The following TBC1D9 variants were observed in gnomAD, a reference collection of about 807,000 sequenced individuals.
TBC1D9 encodes TBC1 domain family member 9, also known as TBC1 domain family member 9A.
TBC1D9 carries 63 observed loss-of-function variants against 132.0 expected under a neutral mutation model. That is an observed-to-expected ratio of 0.48 (90% CI 0.39 to 0.59). The LOEUF is 0.59. Ranked by LOEUF, TBC1D9 falls within the 20% of genes least tolerant of loss-of-function variation. The probability of loss-of-function intolerance (pLI) is 0.00; values close to 1 mark genes in which losing one functional copy is unlikely to be tolerated. For synonymous variants in TBC1D9, 610 were observed against 609.9 expected, an observed-to-expected ratio of 1.00 and a Z score of 0.00; for missense variants, 1,261 against 1,592.7, an observed-to-expected ratio of 0.79 and a Z score of 3.54.
intron 13 of TBC1D9, chr4:140,642,572 A>G: frequency 1.0e-6 from 1 of 987,090 alleles, no homozygotes; most frequent in Non-Finnish European, 1.6e-6. Flanking sequence ...CTTGCTTGCC[A>G]ACTGCTCCTG....
At chr4:140,625,974 T>C (rs970405101) in intron 18 of TBC1D9, among the ~76,000 whole-genome samples, 2 of 152,218 alleles carry the variant, frequency 1.3e-5, no homozygotes, top group African/African-American at 4.8e-5. Flanking sequence ...ATAGCATCTT[T>C]GGCACTGGAA....
Position 140,661,946 on chromosome 4 carries a change from T to C in TBC1D9, c.1750A>G (p.Arg584Gly). The C allele has an allele frequency of 1.2e-6, 2 of 1,614,004 alleles. No individual in the cohort carries two copies. The highest frequency in any genetic ancestry group is 1.7e-6 in the Non-Finnish European group (2 of 1,179,882). ...AAAGCATAAGCTGTTAAGACTCTCC[T>C]TAGTGCAGCAATGCCCATTTCATTC... is the stretch of plus-strand genomic sequence containing the variant. ...FQNEMGIAAL[R>G]RVLTAYAFRN... Residue 584 changes from arginine (R) to glycine (G), a missense_variant, in exon 10 of 21, where the codon AGG (arginine) becomes GGG (glycine). By Grantham distance (125) the Arg-to-Gly change is moderately radical. Transcript: ENST00000442267.
intron 16 of TBC1D9, among the ~76,000 whole-genome samples, chr4:140,633,082 T>C (rs754311038): frequency 2.0e-5 from 3 of 152,210 alleles, no homozygotes; most frequent in Non-Finnish European, 4.4e-5. Flanking sequence ...CTGGCCTTTA[T>C]GTCTTCTAGA....
chr4:140,728,648 C>A (rs1033510699), intron 1 of TBC1D9, among the ~76,000 whole-genome samples: 1 of 151,692 alleles, frequency 6.6e-6, no homozygotes, highest in African/African-American at 2.4e-5. Flanking sequence ...ATTACAGGTA[C>A]GTGCCACCAC....
At position 140,672,108 on chromosome 4, in the gene TBC1D9, G is replaced by A. The variant is rs999324478; in HGVS notation, c.1060-1182C>T. On this transcript the variant is annotated intron_variant, in intron 6 of 20. Transcript: ENST00000442267. ...TATCTAAAAAAATAGGTCTGCCTGG[G>A]GTCCATCAAGGGAAAAAGTGTAGCA... Among the ~76,000 whole-genome samples, 7 of 151,846 alleles carry A rather than the reference G, an allele frequency of 4.6e-5. No individual in the cohort carries two copies. The South Asian group carries it at 1.0e-3, about 23-fold the overall frequency.
At chr4:140,739,043 G>A (rs530788229) in intron 1 of TBC1D9, among the ~76,000 whole-genome samples, 8 of 152,096 alleles carry the variant, frequency 5.3e-5, no homozygotes, top group East Asian at 1.9e-4. Flanking sequence ...ATGGAGTTTC[G>A]CTCTTGCTGC....
intron 11 of TBC1D9, among the ~76,000 whole-genome samples, chr4:140,658,503 C>T (rs9631766): frequency 0.58 from 87,556 of 151,922 alleles, 25,424 homozygotes; most frequent in East Asian, 0.65. Flanking sequence ...TCCAAATGTA[C>T]ATTTAAGCAG....
At chr4:140,692,817 C>T (rs968542276) in intron 2 of TBC1D9, among the ~76,000 whole-genome samples, 1 of 151,990 alleles carries the variant, frequency 6.6e-6, no homozygotes, top group Non-Finnish European at 1.5e-5. Context: ...CCTAGGAGTT[C>T]GAGACCAGCC....
intron 7 of TBC1D9, chr4:140,670,482 T>C: frequency 2.0e-6 from 1 of 507,290 alleles, no homozygotes; most frequent in Non-Finnish European, 3.5e-6. Context: ...TAGAACAGAT[T>C]ACTTAAGAAT....
intron 2 of TBC1D9, among the ~76,000 whole-genome samples, chr4:140,690,064 C>T (rs1737853661): frequency 6.6e-6 from 1 of 151,864 alleles, no homozygotes; most frequent in Admixed American, 6.6e-5. Flanking sequence ...TTTCTTTATG[C>T]ACACATTTCT....
chr4:140,673,765 C>G (rs1737577998), intron 6 of TBC1D9, among the ~76,000 whole-genome samples: 1 of 152,296 alleles, frequency 6.6e-6, no homozygotes, highest in Admixed American at 6.5e-5. Flanking sequence ...TTATTATTAT[C>G]TCTGCTCTAC....
intron 13 of TBC1D9, chr4:140,643,283 G>T (rs1048921807): frequency 3.1e-6 from 4 of 1,305,092 alleles, no homozygotes; most frequent in Non-Finnish European, 4.3e-6. Flanking sequence ...GGGTGATGCC[G>T]TGCAGAAAGC....
intron 2 of TBC1D9, among the ~76,000 whole-genome samples, chr4:140,689,019 T>C (rs4956475): frequency 0.67 from 101,231 of 151,750 alleles, 33,849 homozygotes; most frequent in African/African-American, 0.69. Context: ...CTCCACCCGA[T>C]TGTTCCATCT....
intron 1 of TBC1D9, among the ~76,000 whole-genome samples, chr4:140,740,315 T>C (rs936345250): frequency 5.3e-5 from 8 of 152,336 alleles, no homozygotes; most frequent in African/African-American, 9.6e-5. Context: ...AATTCTTTTC[T>C]GGATTTCCAA....
intron 1 of TBC1D9, among the ~76,000 whole-genome samples, chr4:140,716,688 C>T (rs1460118499): frequency 3.9e-5 from 6 of 152,106 alleles, no homozygotes; most frequent in East Asian, 1.9e-4. Flanking sequence ...CTTACATCCT[C>T]AGTTAGAAAC....
intron 1 of TBC1D9, among the ~76,000 whole-genome samples, chr4:140,724,251 G>C (rs975064336): frequency 3.9e-4 from 59 of 152,268 alleles, no homozygotes; most frequent in Non-Finnish European, 1.0e-4. Context: ...CCACTCAAAA[G>C]TACCAAGAAA....
In TBC1D9 at chr4:140,648,385, GT is replaced by G. The variant is rs1243797618; in HGVS notation, c.2337+8711del. Among the ~76,000 whole-genome samples the G allele has an allele frequency of 8.5e-3, 1,041 of 121,834 alleles. 5 individuals are homozygous for G. The highest frequency in any genetic ancestry group is 0.012 in the Non-Finnish European group (673 of 56,234). The allele number at this position is 121,834 out of a possible 152,430, so 79.9% of individuals were successfully genotyped here. A position where few individuals can be genotyped will look rare whatever the true frequency, so the allele number is the denominator to read the frequency against. On this transcript the variant is annotated intron_variant, in intron 13 of 20. Transcript: ENST00000442267. Reference sequence around the variant, plus strand: ...TGAGCAGAAAGGCAGTTTTGTTGTTGTTTTTTTTTTTTTTTTTTGAGACAGG... The same window carrying G: ...TGAGCAGAAAGGCAGTTTTGTTGTTGTTTTTTTTTTTTTTTTTGAGACAGG...
At chr4:140,725,652 C>T (rs1178246489) in intron 1 of TBC1D9, among the ~76,000 whole-genome samples, 1 of 152,112 alleles carries the variant, frequency 6.6e-6, no homozygotes, top group African/African-American at 2.4e-5. Context: ...AACCCCATAT[C>T]TCGTTTGCTG....
chr4:140,659,352 T>C (rs574912319), intron 11 of TBC1D9: 37 of 332,254 alleles, frequency 1.1e-4, no homozygotes, highest in African/African-American at 7.8e-4. Flanking sequence ...ACACATGAAA[T>C]ATTTTCTAAA....
Sources: gnomAD v4.1 joint callset for allele counts (sites outside exome capture counted in the v4.1 genomes callset) on GRCh38, gnomAD v4.1.1 for gene constraint, MANE v1.5 for transcripts, NCBI Gene and HGNC (gene_info 2026-07-23, HGNC 2026-07-21) for gene names.